The following USP34 variants were observed in gnomAD, a reference collection of about 807,000 sequenced individuals.
USP34 encodes the protein ubiquitin specific peptidase 34, also known as ubiquitin carboxyl-terminal hydrolase 34.
A neutral mutation model predicts 460.3 loss-of-function variants in USP34; 70 were observed. The observed-to-expected ratio is 0.15, with a 90% confidence interval of 0.13 to 0.19. The LOEUF (loss-of-function observed/expected upper bound fraction) is 0.19. USP34 is among the 10% of genes least tolerant of loss of function. The pLI, the probability that USP34 is intolerant of heterozygous loss-of-function variation, is 1.00. For missense variants in USP34, 3,985 were observed against 4,236.2 expected (o/e 0.94, Z 1.65); for synonymous variants, 1,647 against 1,405.3 (o/e 1.17, Z -3.85).
chr2:61,394,533 CAAAAAAAAAAAAAA>C (rs200686763), intron 5 of USP34, among the ~76,000 whole-genome samples: 2 of 110,090 alleles, frequency 1.8e-5, no homozygotes, highest in Admixed American at 9.2e-5. Context: ...CCCTCTCTCT[CAAAAAAAAAAAAAA>C]AAAAAAAAAA....
At chr2:61,380,112 T>G in intron 7 of USP34, 57 bp downstream of exon 7, 1 of 1,513,042 alleles carries the variant, frequency 6.6e-7, no homozygotes, top group Non-Finnish European at 9.0e-7. Context: ...TGGGTAGTAT[T>G]ATGATAGACC....
chr2:61,340,328 G>A lies in USP34; in HGVS notation c.2501-647C>T, dbSNP rs188541241. On this transcript the variant is annotated intron_variant, in intron 16 of 79. Coordinates refer to ENST00000398571, the MANE Select transcript of USP34 (RefSeq NM_014709.4). ...TCACCAGTTATAGGACATTTGGATA[G>A]TTTCTAGTTTTACGCTATTATTAAC... is the stretch of plus-strand genomic sequence containing the variant. Among the ~76,000 whole-genome samples the A allele has an allele frequency of 2.6e-5, 4 of 152,242 alleles. No homozygotes were observed. The East Asian group carries it at 7.7e-4, about 29-fold the overall frequency.
At chr2:61,221,153 G>T (rs2103809123) in intron 66 of USP34, among the ~76,000 whole-genome samples, 1 of 152,260 alleles carries the variant, frequency 6.6e-6, no homozygotes. Context: ...GAAATTTTGT[G>T]ACCTCAGCAG....
chr2:61,363,524 G>C (rs967022019), intron 10 of USP34, among the ~76,000 whole-genome samples: 1 of 152,116 alleles, frequency 6.6e-6, no homozygotes, highest in Non-Finnish European at 1.5e-5. Context: ...AATACTGTAG[G>C]CAACTGTAAC....
intron 59 of USP34, 54 bp downstream of exon 59, chr2:61,229,494 A>AAAC: frequency 2.7e-6 from 3 of 1,098,800 alleles, no homozygotes; most frequent in South Asian, 1.9e-5. Context: ...AAAAACAAAA[A>AAAC]CACCACACAC....
At chr2:61,382,632 C>A (rs978669992) in intron 6 of USP34, among the ~76,000 whole-genome samples, 5 of 152,130 alleles carry the variant, frequency 3.3e-5, no homozygotes, top group African/African-American at 9.7e-5. Context: ...AAAAAAAGTA[C>A]AATACTGTCA....
intron 5 of USP34, among the ~76,000 whole-genome samples, chr2:61,391,414 C>G (rs1475224670): frequency 6.6e-6 from 1 of 152,110 alleles, no homozygotes; most frequent in Non-Finnish European, 1.5e-5. Flanking sequence ...AACATGTTCT[C>G]TTCTGAATGT....
At chr2:61,216,289 G>A (rs1687394325) in intron 67 of USP34, among the ~76,000 whole-genome samples, 1 of 152,124 alleles carries the variant, frequency 6.6e-6, no homozygotes, top group South Asian at 2.1e-4. Flanking sequence ...ATCAAGAAAA[G>A]TAATTTACGA....
chr2:61,429,360 T>C (rs1171866457), intron 1 of USP34, among the ~76,000 whole-genome samples: 3 of 151,972 alleles, frequency 2.0e-5, no homozygotes, highest in Non-Finnish European at 2.9e-5. Context: ...GGCAGGAGAA[T>C]GGCATGAACC....
chr2:61,375,669 T>C (rs1010581980), intron 8 of USP34, among the ~76,000 whole-genome samples: 2 of 147,036 alleles, frequency 1.4e-5, no homozygotes, highest in African/African-American at 5.1e-5. Flanking sequence ...CTCGGGAGGC[T>C]GAAGCAGGAG....
chr2:61,340,912 T>C (rs577248149), intron 16 of USP34, among the ~76,000 whole-genome samples: 3 of 151,434 alleles, frequency 2.0e-5, no homozygotes, highest in Non-Finnish European at 4.4e-5. Flanking sequence ...TTCGCTTTCA[T>C]AATTTTATCG....
chr2:61,338,954 T>C (rs1691508345), intron 18 of USP34, among the ~76,000 whole-genome samples: 2 of 152,200 alleles, frequency 1.3e-5, no homozygotes, highest in African/African-American at 4.8e-5. Context: ...ACAATACTAA[T>C]ATCAAAGTGT....
intron 2 of USP34, among the ~76,000 whole-genome samples, chr2:61,407,624 G>A (rs1693916357): frequency 6.6e-6 from 1 of 152,056 alleles, no homozygotes; most frequent in Non-Finnish European, 1.5e-5. Flanking sequence ...CTGTGTAGAC[G>A]GAACTCACTT....
At chr2:61,369,844 C>T (rs1030145905) in intron 10 of USP34, among the ~76,000 whole-genome samples, 4 of 150,652 alleles carry the variant, frequency 2.7e-5, no homozygotes, top group African/African-American at 4.9e-5. Flanking sequence ...GTATACAGTT[C>T]GCTATTTATA....
intron 33 of USP34, among the ~76,000 whole-genome samples, chr2:61,292,077 T>G (rs1451832934): frequency 6.6e-6 from 1 of 152,140 alleles, no homozygotes; most frequent in Non-Finnish European, 1.5e-5. Context: ...AGGGGGAGGT[T>G]TCTTTTGAAG....
intron 10 of USP34, among the ~76,000 whole-genome samples, chr2:61,356,071 A>C (rs1052068213): frequency 1.3e-5 from 2 of 152,192 alleles, no homozygotes; most frequent in Non-Finnish European, 2.9e-5. Flanking sequence ...AAAAGAATTC[A>C]AAGCAAGATC....
chr2:61,238,547 GT>G (rs1688139167), intron 53 of USP34, among the ~76,000 whole-genome samples: 1 of 152,056 alleles, frequency 6.6e-6, no homozygotes, highest in African/African-American at 2.4e-5. Context: ...CTTCTAAAAT[GT>G]TTTATGTTAT....
intron 43 of USP34, among the ~76,000 whole-genome samples, chr2:61,260,710 T>A (rs1174941980): frequency 6.6e-6 from 1 of 152,190 alleles, no homozygotes. Context: ...ACTCCTGTTA[T>A]ATGAGAGGCT....
intron 71 of USP34, 103 bp downstream of exon 71, chr2:61,206,657 A>G (rs1687128925): frequency 2.1e-6 from 3 of 1,417,612 alleles, no homozygotes; most frequent in Admixed American, 2.4e-5. Flanking sequence ...TCTTCTGTGC[A>G]TAAACTAGGA....
Sources: gnomAD v4.1 joint callset for allele counts (sites outside exome capture counted in the v4.1 genomes callset) on GRCh38, gnomAD v4.1.1 for gene constraint, MANE v1.5 for transcripts, NCBI Gene and HGNC (gene_info 2026-07-23, HGNC 2026-07-21) for gene names.